The following PLPPR1 variants were observed in gnomAD, a reference collection of about 807,000 sequenced individuals.
PLPPR1 encodes the protein phospholipid phosphatase-related protein type 1.
PLPPR1 carries 10 observed loss-of-function variants against 33.1 expected under a neutral mutation model. The observed-to-expected ratio is 0.30, with a 90% CI of 0.19 to 0.51. PLPPR1 has a LOEUF of 0.51. Ranked by LOEUF, PLPPR1 falls within the 20% of genes least tolerant of loss-of-function variation. The pLI, the probability that PLPPR1 is intolerant of heterozygous loss-of-function variation, is 0.97. For synonymous variants in PLPPR1, 151 were observed against 151.0 expected (o/e 1.00, Z 0.00); for missense variants, 304 against 408.1 (o/e 0.74, Z 2.20).
chr9:101,065,054 A>T (rs1830394615), intron 1 of PLPPR1, among the ~76,000 whole-genome samples: 1 of 152,056 alleles, frequency 6.6e-6, no homozygotes, highest in South Asian at 2.1e-4. Context: ...ACACAATCAA[A>T]CCATATCAAG....
chr9:101,134,762 G>A (rs962606706), intron 1 of PLPPR1, among the ~76,000 whole-genome samples: 2 of 152,190 alleles, frequency 1.3e-5, no homozygotes, highest in Non-Finnish European at 2.9e-5. Context: ...AGGTGGTAGA[G>A]ATGGATTCTA....
At chr9:101,029,183 C>G (rs1364249349) in intron 1 of PLPPR1, 81 bp downstream of exon 1, 1 of 153,434 alleles carries the variant, frequency 6.5e-6, no homozygotes, top group African/African-American at 2.4e-5. Context: ...AGCTCCTGGC[C>G]GGACCCGGCG....
intron 6 of PLPPR1, 52 bp downstream of exon 6, chr9:101,313,026 A>T: frequency 6.4e-7 from 1 of 1,554,028 alleles, no homozygotes; most frequent in South Asian, 1.1e-5. Flanking sequence ...CTCTCTGAAA[A>T]ACTGTGAGTC....
chr9:101,197,439 C>G (rs1042726307), intron 2 of PLPPR1, among the ~76,000 whole-genome samples: 2 of 152,188 alleles, frequency 1.3e-5, no homozygotes, highest in Non-Finnish European at 2.9e-5. Flanking sequence ...TTTTCTTCTA[C>G]TTTCTCTATG....
At chr9:101,187,733 G>GTT (rs144719509) in intron 2 of PLPPR1, 1 of 151,714 alleles carries the variant, frequency 6.6e-6, no homozygotes, top group African/African-American at 2.4e-5. Flanking sequence ...TCTTTTCACT[G>GTT]TTTTTTTAAT....
At chr9:101,268,383 G>A (rs1828037235) in intron 2 of PLPPR1, among the ~76,000 whole-genome samples, 1 of 152,144 alleles carries the variant, frequency 6.6e-6, no homozygotes, top group African/African-American at 2.4e-5. Flanking sequence ...CCAGAGAATG[G>A]TTTATAGTGG....
intron 1 of PLPPR1, among the ~76,000 whole-genome samples, chr9:101,034,147 T>A (rs563581059): frequency 1.1e-4 from 16 of 151,406 alleles, no homozygotes; most frequent in Non-Finnish European, 1.8e-4. Context: ...GTACAGTGAG[T>A]CTCAAGTGCA....
intron 1 of PLPPR1, among the ~76,000 whole-genome samples, chr9:101,085,215 C>G (rs543876730): frequency 1.3e-5 from 2 of 152,282 alleles, no homozygotes; most frequent in Admixed American, 1.3e-4. Context: ...AGATGGCATT[C>G]ATATCCCTGG....
intron 2 of PLPPR1, among the ~76,000 whole-genome samples, chr9:101,203,901 T>C (rs996476863): frequency 3.9e-5 from 6 of 152,090 alleles, no homozygotes; most frequent in Admixed American, 1.3e-4. Context: ...GTGTTTTCCA[T>C]GTAGGATCAG....
intron 1 of PLPPR1, chr9:101,125,857 G>A (rs1831240642): frequency 3.9e-6 from 2 of 506,506 alleles, no homozygotes; most frequent in South Asian, 5.7e-5. Flanking sequence ...TAGGAGTAGA[G>A]GTTGAACATT....
chr9:101,285,295 A>G (rs556264759), intron 3 of PLPPR1, among the ~76,000 whole-genome samples: 28 of 152,298 alleles, frequency 1.8e-4, no homozygotes, highest in African/African-American at 6.0e-4. Context: ...ATTAAGATGT[A>G]GTCCCTGCTA....
At chr9:101,269,751 C>A in intron 2 of PLPPR1, 129 bp from the exon 3 acceptor site, 1 of 834,760 alleles carries the variant, frequency 1.2e-6, no homozygotes, top group Non-Finnish European at 2.0e-6. Context: ...CTGCGCCTGG[C>A]ACGCACACAC....
At chr9:101,307,688 C>T (rs142834916) in intron 4 of PLPPR1, among the ~76,000 whole-genome samples, 17 of 152,316 alleles carry the variant, frequency 1.1e-4, no homozygotes, top group African/African-American at 2.4e-4. Flanking sequence ...CCAAACTAGT[C>T]TTCACTTCTG....
At chr9:101,152,814 G>A (rs1221148419) in intron 1 of PLPPR1, among the ~76,000 whole-genome samples, 2 of 152,190 alleles carry the variant, frequency 1.3e-5, no homozygotes, top group Non-Finnish European at 2.9e-5. Flanking sequence ...TTGTAGTATA[G>A]TTTGAAGTCA....
chr9:101,180,696 A>G (rs1826095771), intron 1 of PLPPR1, among the ~76,000 whole-genome samples: 2 of 151,856 alleles, frequency 1.3e-5, no homozygotes, highest in African/African-American at 2.4e-5. Context: ...AAGCAGAAGA[A>G]CAAAATTGGA....
At chr9:101,206,643 GAAAAGGGTTGGACATGA>G (rs964487690) in intron 2 of PLPPR1, among the ~76,000 whole-genome samples, 5 of 152,158 alleles carry the variant, frequency 3.3e-5, no homozygotes, top group African/African-American at 1.2e-4. Context: ...GTCTCTTCTT[GAAAAGGGTTGGACATGA>G]AAAATTGATT....
At chr9:101,178,836 A>C (rs766524880) in intron 1 of PLPPR1, among the ~76,000 whole-genome samples, 10 of 152,170 alleles carry the variant, frequency 6.6e-5, no homozygotes, top group Non-Finnish European at 1.5e-4. Flanking sequence ...TGGAAGTGGA[A>C]GTGGCACCAC....
intron 1 of PLPPR1, among the ~76,000 whole-genome samples, chr9:101,069,613 G>A (rs973919403): frequency 1.5e-4 from 23 of 152,108 alleles, no homozygotes; most frequent in Non-Finnish European, 2.5e-4. Flanking sequence ...CAGAATTTTG[G>A]ATTTGACTGA....
rs748559885 is a variant in PLPPR1 at position 101,309,401 on chromosome 9, T to C, written c.576T>C (p.Ala192=). 2 of 1,614,094 alleles carry C rather than the reference T, an allele frequency of 1.2e-6. No homozygotes were observed. Among genetic ancestry groups the C allele is most frequent in the South Asian group, 2.2e-5 (2 of 91,082 alleles). The change falls in exon 5 of 8, where the codon GCT becomes GCC. Residue 192 remains alanine, a synonymous_variant. Transcript: ENST00000374874. ...CTGDLEVIEK[A]RRSFPSKHAA... ...GGGACCTGGAAGTGATAGAAAAGGC[T>C]CGGAGATCCTTTCCCTCCAAACACG...
Sources: allele counts gnomAD v4.1 joint callset (sites outside exome capture counted in the v4.1 genomes callset), GRCh38; gene constraint gnomAD v4.1.1; transcripts MANE v1.5; gene names NCBI Gene and HGNC (gene_info 2026-07-23, HGNC 2026-07-21).